Variants in EEFSEC observed in about 807,000 individuals in gnomAD.
EEFSEC encodes eukaryotic elongation factor, selenocysteine-tRNA specific.
A neutral mutation model predicts 42.1 loss-of-function variants in EEFSEC; 43 were observed. The ratio of observed to expected loss-of-function variants is 1.02; its 90% CI spans 0.80 to 1.32. EEFSEC has a LOEUF of 1.32. EEFSEC is among the 40% of genes most tolerant of loss of function. The pLI is 0.00. For missense variants in EEFSEC, 745 were observed against 803.6 expected, an observed-to-expected ratio of 0.93 and a Z score of 0.88; for synonymous variants, 354 against 339.1, an observed-to-expected ratio of 1.04 and a Z score of -0.48.
At chr3:128,179,500 A>G (rs1424287905) in intron 1 of EEFSEC, among the ~76,000 whole-genome samples, 1 of 152,210 alleles carries the variant, frequency 6.6e-6, no homozygotes, top group Admixed American at 6.5e-5. Context: ...CCTCTATATC[A>G]GGGAAATGAA....
intron 1 of EEFSEC, among the ~76,000 whole-genome samples, chr3:128,203,369 T>C (rs1323167710): frequency 6.6e-6 from 1 of 152,212 alleles, no homozygotes; most frequent in Non-Finnish European, 1.5e-5. Flanking sequence ...TTCCTTAAAG[T>C]GATGTCATTG....
chr3:128,303,732 A>G (rs1024844184), intron 4 of EEFSEC, among the ~76,000 whole-genome samples: 2 of 152,104 alleles, frequency 1.3e-5, no homozygotes, highest in African/African-American at 2.4e-5. Flanking sequence ...TCATTCTTTT[A>G]TGACCTCTGT....
In EEFSEC at chr3:128,153,969, G is replaced by C. The variant is rs368322231; in HGVS notation, c.316+146G>C. 4.5e-5 allele frequency: 55 copies of C among 1,224,296 alleles called. No individual in the cohort carries two copies. In the African/African-American group the frequency reaches 4.5e-4, roughly 10 times the overall value. 75.8% of individuals were successfully genotyped at this position (1,224,296 alleles called of 1,614,324 possible). On this transcript the variant is annotated intron_variant, in intron 1 of 6. Transcript: ENST00000254730. ...TCCTGACGCCCCAAGAGGCGGACGT[G>C]ACTTGCCTAGGGCTCCGCAGCAAGT...
chr3:128,375,123 G>A (rs937405700), intron 6 of EEFSEC, among the ~76,000 whole-genome samples: 2 of 152,248 alleles, frequency 1.3e-5, no homozygotes, highest in African/African-American at 4.8e-5. Flanking sequence ...CTTCAGGATT[G>A]TAATAGAGGA....
intron 6 of EEFSEC, among the ~76,000 whole-genome samples, chr3:128,365,375 G>T (rs1472253094): frequency 6.6e-6 from 1 of 152,196 alleles, no homozygotes; most frequent in Non-Finnish European, 1.5e-5. Flanking sequence ...GTCTCCTGGG[G>T]CATCCCAGGC....
chr3:128,302,054 G>A (rs1444287377), intron 4 of EEFSEC, among the ~76,000 whole-genome samples: 1 of 152,150 alleles, frequency 6.6e-6, no homozygotes, highest in African/African-American at 2.4e-5. Context: ...TAAACCATCT[G>A]TCAAAGCTCA....
intron 6 of EEFSEC, among the ~76,000 whole-genome samples, chr3:128,405,668 T>G (rs1191119260): frequency 6.6e-6 from 1 of 152,228 alleles, no homozygotes; most frequent in Non-Finnish European, 1.5e-5. Flanking sequence ...TGTGCGAGCC[T>G]TATAGCTGCC....
intron 1 of EEFSEC, among the ~76,000 whole-genome samples, chr3:128,171,003 C>A (rs1287877897): frequency 6.6e-6 from 1 of 152,188 alleles, no homozygotes; most frequent in Non-Finnish European, 1.5e-5. Flanking sequence ...AGATGTGTGT[C>A]CTCCTCTTCC....
At chr3:128,260,554 G>C (rs755511933) in intron 2 of EEFSEC, among the ~76,000 whole-genome samples, 1 of 152,174 alleles carries the variant, frequency 6.6e-6, no homozygotes, top group Non-Finnish European at 1.5e-5. Flanking sequence ...AGCATTGTGA[G>C]TAGGGCCTTC....
chr3:128,211,470 T>G (rs114685977), intron 1 of EEFSEC, among the ~76,000 whole-genome samples: 1,699 of 152,090 alleles, frequency 0.011, 21 homozygotes, highest in African/African-American at 0.039. Flanking sequence ...TACTGTTACT[T>G]GACAATACAA....
intron 1 of EEFSEC, among the ~76,000 whole-genome samples, chr3:128,162,237 A>G (rs2065196377): frequency 6.6e-6 from 1 of 152,186 alleles, no homozygotes; most frequent in Admixed American, 6.5e-5. Context: ...ACTGAAAGGT[A>G]CACACCATAA....
chr3:128,252,098 C>G (rs1208751636), intron 2 of EEFSEC, among the ~76,000 whole-genome samples: 1 of 152,186 alleles, frequency 6.6e-6, no homozygotes, highest in Non-Finnish European at 1.5e-5. Context: ...ACATCATTCC[C>G]CCAGACTCCC....
intron 1 of EEFSEC, among the ~76,000 whole-genome samples, chr3:128,244,272 A>G (rs1032733942): frequency 2.6e-5 from 4 of 152,208 alleles, no homozygotes; most frequent in Admixed American, 1.3e-4. Flanking sequence ...CCCGGAAGAC[A>G]GTTGGGTGTA....
At chr3:128,268,513 A>G (rs2811396) in intron 4 of EEFSEC, among the ~76,000 whole-genome samples, 127,337 of 152,052 alleles carry the variant, frequency 0.84, 53,825 homozygotes, top group East Asian at 0.99. Context: ...TATGTCTACC[A>G]GAACCTCAGA....
intron 1 of EEFSEC, among the ~76,000 whole-genome samples, chr3:128,239,631 C>T (rs2066049781): frequency 6.6e-6 from 1 of 152,216 alleles, no homozygotes; most frequent in Non-Finnish European, 1.5e-5. Context: ...TCACATGCCT[C>T]AGATCAAAAC....
chr3:128,170,425 G>GGTGGTGGGCACC lies in EEFSEC; in HGVS notation c.316+16602_316+16603insGTGGTGGGCACC, dbSNP rs6148064. ...AAAACTACAAAAATTAGCCATGCGTGTGTAATCCCAGCTACTTGAGAGGCT... is the reference window on the plus strand; with the variant it reads ...AAAACTACAAAAATTAGCCATGCGTGGTGGTGGGCACCTGTAATCCCAGCTACTTGAGAGGCT... On this transcript the variant is annotated intron_variant, in intron 1 of 6. Transcript: ENST00000254730. Among the ~76,000 whole-genome samples, 69 of 151,798 alleles carry GGTGGTGGGCACC rather than the reference G, an allele frequency of 4.5e-4. No homozygotes were observed. In the South Asian group the frequency reaches 5.2e-3, roughly 11 times the overall value.
chr3:128,175,191 C>A (rs566176045), intron 1 of EEFSEC, among the ~76,000 whole-genome samples: 2 of 151,978 alleles, frequency 1.3e-5, no homozygotes, highest in South Asian at 2.1e-4. Flanking sequence ...GCAAACCCCC[C>A]CTTTTCTCCA....
At chr3:128,338,717 G>C (rs562338708) in intron 4 of EEFSEC, among the ~76,000 whole-genome samples, 1 of 152,330 alleles carries the variant, frequency 6.6e-6, no homozygotes, top group East Asian at 1.9e-4. Flanking sequence ...TGGGCTGCAT[G>C]GTGGAGGCTT....
chr3:128,384,772 T>C (rs1287137186), intron 6 of EEFSEC, among the ~76,000 whole-genome samples: 1 of 152,326 alleles, frequency 6.6e-6, no homozygotes, highest in East Asian at 1.9e-4. Context: ...GCTGGGCTAG[T>C]GCACAGGGGT....
Sources: allele counts gnomAD v4.1 joint callset (sites outside exome capture counted in the v4.1 genomes callset), GRCh38; gene constraint gnomAD v4.1.1; transcripts MANE v1.5; gene names NCBI Gene and HGNC (gene_info 2026-07-23, HGNC 2026-07-21).